Variants in ACP2 observed in about 807,000 individuals in gnomAD.
The protein encoded by ACP2 is acid phosphatase 2, lysosomal.
Under a neutral mutation model 54.7 loss-of-function variants are expected in ACP2, and 35 were observed. That is an observed-to-expected ratio of 0.64 (90% confidence interval 0.49 to 0.85). The LOEUF is 0.85. Among genes scored for constraint, ACP2 ranks in the 40% least tolerant of loss-of-function variants. ACP2 has a pLI of 0.00. For missense variants in ACP2, 492 were observed against 565.0 expected, an observed-to-expected ratio of 0.87 and a Z score of 1.31; for synonymous variants, 210 against 224.4, an observed-to-expected ratio of 0.94 and a Z score of 0.57.
chr11:47,248,473 A>G (rs1417296327), intron 1 of ACP2: 3 of 1,548,344 alleles, frequency 1.9e-6, no homozygotes, highest in Non-Finnish European at 2.6e-6. Flanking sequence ...CCCTGTCTCA[A>G]GGCAGACTCA....
In ACP2 at chr11:47,248,483, AC is replaced by A; in HGVS notation, c.114+192del. 1.9e-6 allele frequency: 3 copies of A among 1,549,448 alleles called. No homozygotes were observed. The East Asian group carries it at 7.3e-5, about 38-fold the overall frequency. On this transcript the variant is annotated intron_variant, in intron 1 of 10. Coordinates refer to ENST00000672073, the MANE Select transcript of ACP2 (RefSeq NM_001610.4). ...CACTTCCCTGTCTCAAGGCAGACTC[AC>A]CCCGACGTATTCGGTCATCCTGACT...
chr11:47,245,529 A>G lies in ACP2; in HGVS notation c.494T>C (p.Leu165Pro), dbSNP rs375915924. 9.3e-6 allele frequency: 15 copies of G among 1,614,100 alleles called. No individual in the cohort carries two copies. In the African/African-American group the frequency reaches 2.0e-4, roughly 22 times the overall value. ...TGGTGTCTGCCGGGTCTCGTTCTGCAGCTGCTCATAACGGGGACATGGGCC... is the reference window on the plus strand; with the variant it reads ...TGGTGTCTGCCGGGTCTCGTTCTGCGGCTGCTCATAACGGGGACATGGGCC... ...PLGPCPRYEQ[L>P]QNETRQTPEY... The change falls in exon 5 of 11, where the codon CTG becomes CCG. Residue 165 changes from leucine (L) to proline (P), a missense_variant. By Grantham distance (98) the Leu-to-Pro change is moderately conservative. Transcript: ENST00000672073.
chr11:47,242,859 G>A lies in ACP2; in HGVS notation c.1002C>T (p.Asp334=). The A allele has an allele frequency of 1.2e-6, 2 of 1,613,860 alleles. No individual in the cohort carries two copies. ...SVEMYFRNES[D]KAPWPLSLPG... ...GCAGGCTGAGCGGCCAGGGGGCCTT[G>A]TCACTCTCGTTCCGAAAGTACATCT... The change falls in exon 10 of 11, where the codon GAC becomes GAT. Residue 334 remains aspartate, a synonymous_variant. Coordinates refer to ENST00000672073, the MANE Select transcript of ACP2 (RefSeq NM_001610.4).
At chr11:47,244,913 C>A (rs781723551) in intron 6 of ACP2, 46 bp from the exon 7 acceptor site, 1 of 1,550,740 alleles carries the variant, frequency 6.4e-7, no homozygotes, top group Admixed American at 1.9e-5. Flanking sequence ...CTAGGCCAGC[C>A]TCTCCAGGGG....
In ACP2 at chr11:47,244,876, C is replaced by G; in HGVS notation, c.640-9G>C. On this transcript the variant is annotated splice_polypyrimidine_tract_variant and intron_variant, in intron 6 of 10. Transcript: ENST00000672073. ...CGCAGCCCGTGCGTTTGCTGTGTAT[C>G]GCAGCAGGCAGGTTAGCGCCCCAGG... 7 of 1,596,298 alleles carry G rather than the reference C, an allele frequency of 4.4e-6. No homozygotes were observed. The highest frequency in any genetic ancestry group is 6.0e-6 in the Non-Finnish European group (7 of 1,168,806).
In ACP2 at chr11:47,244,784, G is replaced by T; in HGVS notation, c.723C>A (p.Arg241=). ...CCTGCTGGTAGATTCCGAAGAGGAA[G>T]CGGAAGCTGAAGTCCTTTAGCCGGC... ...RLSRLKDFSF[R]FLFGIYQQAE... is the part of the protein sequence containing the mutation. Residue 241 remains arginine, a synonymous_variant, in exon 7 of 11, where the codon CGC becomes CGA. Transcript: ENST00000672073. 6.2e-7 allele frequency: 1 copy of T among 1,613,194 alleles called. No homozygotes were observed. The highest frequency in any genetic ancestry group is 2.2e-5 in the East Asian group (1 of 44,854).
chr11:47,240,283 C>T (rs1428662968), intron 10 of ACP2, 34 bp from the exon 11 acceptor site: 1 of 1,087,458 alleles, frequency 9.2e-7, no homozygotes, highest in South Asian at 1.2e-5. Flanking sequence ...AAGGTCATGT[C>T]AGCGTTCCAT....
Position 47,247,716 on chromosome 11 carries a change from T to C in ACP2, c.222A>G (p.Leu74=), listed in dbSNP as rs768150336. Residue 74 remains leucine (L), a synonymous_variant, in exon 3 of 11, where the codon CTA becomes CTG. Transcript: ENST00000672073. The stretch of plus-strand genomic sequence containing the variant: ...GGGCCTGGCCCAGTTCCCAGTGCTG[T>C]AGCATCCCCTCCTGTGGGCAAACCC... The part of the protein sequence containing the change: ...GFGQLTKEGM[L]QHWELGQALR... 20 of 1,613,600 alleles carry C rather than the reference T, an allele frequency of 1.2e-5. No individual in the cohort carries two copies. The highest frequency in any genetic ancestry group is 5.3e-5 in the African/African-American group (4 of 74,926).
rs1445675145 is a variant in ACP2, at chr11:47,248,670, C to T, written c.114+6G>A. 1 of 1,608,528 alleles carries T rather than the reference C, an allele frequency of 6.2e-7. No homozygotes were observed. On this transcript the variant is annotated splice_donor_region_variant and intron_variant, in intron 1 of 10. Transcript: ENST00000672073. The stretch of plus-strand genomic sequence containing the variant: ...GGAAGTCTTTGGTGAGCCCATCTCT[C>T]ATTACCAAGGTAACGAAGCGCAGAC...
At chr11:47,248,639 C>T in intron 1 of ACP2, 37 bp downstream of exon 1, 1 of 1,586,184 alleles carries the variant, frequency 6.3e-7, no homozygotes. Flanking sequence ...GCCCTTTTAG[C>T]TTCAGGGAAG....
At chr11:47,241,203 A>T (rs906402033) in intron 10 of ACP2, among the ~76,000 whole-genome samples, 16 of 152,214 alleles carry the variant, frequency 1.1e-4, no homozygotes, top group African/African-American at 3.9e-4. Context: ...GGACAGTAGT[A>T]TGAACTGGTT....
At chr11:47,240,546 G>A (rs533556844) in intron 10 of ACP2, among the ~76,000 whole-genome samples, 9 of 152,136 alleles carry the variant, frequency 5.9e-5, no homozygotes, top group African/African-American at 9.6e-5. Context: ...TTGGCCGTGC[G>A]CAGTGGCTCA....
intron 7 of ACP2, 33 bp from the exon 8 acceptor site, chr11:47,243,354 A>C: frequency 6.3e-7 from 1 of 1,584,256 alleles, no homozygotes. Context: ...GTTGCTGGCT[A>C]CAGCCACCTC....
chr11:47,248,524 C>T lies in ACP2; in HGVS notation c.114+152G>A, dbSNP rs953955562. On this transcript the variant is annotated intron_variant, in intron 1 of 10. Coordinates refer to ENST00000672073, the MANE Select transcript of ACP2 (RefSeq NM_001610.4). Reference sequence around the variant, plus strand: ...TCATCCTGACTCCCATAAGCCAGGGCTCCAGGTCAATCCTGAATCCAGCCT... The same window carrying T: ...TCATCCTGACTCCCATAAGCCAGGGTTCCAGGTCAATCCTGAATCCAGCCT... The T allele has an allele frequency of 1.9e-6, 3 of 1,551,304 alleles. No individual in the cohort carries two copies. In the African/African-American group the frequency reaches 4.1e-5, roughly 21 times the overall value.
In ACP2 at chr11:47,248,698, C is replaced by T. The variant is rs979065943; in HGVS notation, c.92G>A (p.Arg31Gln). The T allele has an allele frequency of 6.2e-7, 1 of 1,612,056 alleles. No individual in the cohort carries two copies. Among genetic ancestry groups the T allele is most frequent in the South Asian group, 1.1e-5 (1 of 90,504 alleles). ...NLVVMPPTRA[R>Q]SLRFVTLLYR... Reference sequence around the variant, plus strand: ...TACCAAGGTAACGAAGCGCAGACTCCGGGCCCGGGTGGGCGGCATCACCAC... The same window carrying T: ...TACCAAGGTAACGAAGCGCAGACTCTGGGCCCGGGTGGGCGGCATCACCAC... The change falls in exon 1 of 11, where the codon CGG becomes CAG. Residue 31 changes from arginine (R) to glutamine (Q), a missense_variant. Physicochemically the swap from Arg to Gln is conservative, Grantham distance 43. Transcript: ENST00000672073.
At chr11:47,248,269 T>C (rs1954289665) in intron 1 of ACP2, 136 bp from the exon 2 acceptor site, 1 of 1,042,536 alleles carries the variant, frequency 9.6e-7, no homozygotes. Context: ...AGACCCCAGC[T>C]AGGAGTCAGT....
intron 10 of ACP2, 56 bp downstream of exon 10, chr11:47,242,667 T>TTCA (rs1405410230): frequency 1.3e-6 from 2 of 1,569,526 alleles, no homozygotes; most frequent in African/African-American, 1.4e-5. Context: ...GATGCGTGGA[T>TTCA]GTGAACTGCA....
intron 7 of ACP2, 26 bp downstream of exon 7, chr11:47,244,709 A>T (rs775772331): frequency 7.1e-5 from 112 of 1,570,086 alleles, no homozygotes; most frequent in Non-Finnish European, 9.0e-5. Context: ...TGAGGAGTAG[A>T]GTGACACGCT....
rs766376988 is a variant in ACP2, at chr11:47,244,849, G to GGCGCA, written c.653_657dup (p.Leu220CysfsTer18). 1 of 1,609,326 alleles carries GGCGCA rather than the reference G, an allele frequency of 6.2e-7. No individual in the cohort carries two copies. The highest frequency in any genetic ancestry group is 2.2e-5 in the East Asian group (1 of 44,768). ...GTTTGGGGTGAGGCCCAGGGCGGCA[G>GGCGCA]GCGCAGCCCGTGCGTTTGCTGTGTA... On this transcript the variant is annotated frameshift_variant, in exon 7 of 11. Transcript: ENST00000672073. LOFTEE classifies it high-confidence loss of function.
Sources: allele counts gnomAD v4.1 joint callset (sites outside exome capture counted in the v4.1 genomes callset), GRCh38; gene constraint gnomAD v4.1.1; transcripts MANE v1.5; gene names NCBI Gene and HGNC (gene_info 2026-07-23, HGNC 2026-07-21).